The following UVRAG variants were observed in gnomAD, a reference collection of about 807,000 sequenced individuals.
UVRAG encodes the protein UV radiation resistance associated, also known as UV radiation resistance-associated gene protein.
In UVRAG, 19 loss-of-function variants were observed where a neutral mutation model predicts 78.0. The ratio of observed to expected loss-of-function variants is 0.24; its 90% CI spans 0.17 to 0.36. UVRAG has a LOEUF of 0.36. UVRAG is among the 10% of genes least tolerant of loss of function. The pLI, the probability that UVRAG is intolerant of heterozygous loss-of-function variation, is 1.00. For missense variants in UVRAG, 740 were observed against 853.8 expected (o/e 0.87, Z 1.66); for synonymous variants, 323 against 324.6 (o/e 1.00, Z 0.05).
At chr11:75,866,760 A>G (rs1946548427) in intron 3 of UVRAG, among the ~76,000 whole-genome samples, 1 of 152,214 alleles carries the variant, frequency 6.6e-6, no homozygotes, top group South Asian at 2.1e-4. Flanking sequence ...TTGACTTGGC[A>G]AACAAACAAA....
chr11:75,982,224 C>A (rs1437728083), intron 7 of UVRAG, among the ~76,000 whole-genome samples: 1 of 152,176 alleles, frequency 6.6e-6, no homozygotes, highest in East Asian at 1.9e-4. Context: ...GGTGCCATTT[C>A]ATTACTGCCA....
At chr11:75,950,064 G>T (rs1224073707) in intron 6 of UVRAG, among the ~76,000 whole-genome samples, 1 of 152,076 alleles carries the variant, frequency 6.6e-6, no homozygotes, top group East Asian at 1.9e-4. Context: ...ATTTATCCAT[G>T]TTCTTGTATA....
chr11:75,833,134 T>G (rs1351447970), intron 1 of UVRAG, among the ~76,000 whole-genome samples: 1 of 152,214 alleles, frequency 6.6e-6, no homozygotes. Context: ...AATTTCAAGC[T>G]TATGGAAAAA....
chr11:75,950,563 C>T (rs2135164501), intron 6 of UVRAG, among the ~76,000 whole-genome samples: 1 of 152,202 alleles, frequency 6.6e-6, no homozygotes, highest in Non-Finnish European at 1.5e-5. Flanking sequence ...CCACATTATA[C>T]CTGAGAGTGA....
intron 6 of UVRAG, among the ~76,000 whole-genome samples, chr11:75,929,229 G>A (rs2135098168): frequency 6.6e-6 from 1 of 152,306 alleles, no homozygotes; most frequent in African/African-American, 2.4e-5. Context: ...TAGGTGCAGA[G>A]TTTAGTGATC....
At chr11:76,024,075 A>G (rs1175424693) in intron 12 of UVRAG, among the ~76,000 whole-genome samples, 1 of 152,218 alleles carries the variant, frequency 6.6e-6, no homozygotes, top group Non-Finnish European at 1.5e-5. Context: ...GCCTTCTCCT[A>G]GTGCCGTAAT....
At chr11:76,129,923 ACTCTCTCTCGCTCTCT>A (rs1247254281) in intron 14 of UVRAG, among the ~76,000 whole-genome samples, 4 of 145,814 alleles carry the variant, frequency 2.7e-5, no homozygotes, top group Middle Eastern at 7.4e-3. Flanking sequence ...TCACTCTCAC[ACTCTCTCTCGCTCTCT>A]CTCTCTCTCG....
chr11:75,873,703 T>G (rs1217292194), intron 3 of UVRAG, among the ~76,000 whole-genome samples: 1 of 152,172 alleles, frequency 6.6e-6, no homozygotes, highest in Non-Finnish European at 1.5e-5. Context: ...TTTTGTCTCT[T>G]TCTATGTTGT....
intron 13 of UVRAG, among the ~76,000 whole-genome samples, chr11:76,084,919 C>T (rs1410939661): frequency 1.3e-5 from 2 of 151,818 alleles, no homozygotes; most frequent in Non-Finnish European, 2.9e-5. Flanking sequence ...CAAAAATTAG[C>T]CAGGCATGGT....
chr11:76,053,308 A>AACACACAC (rs377457433), intron 12 of UVRAG, among the ~76,000 whole-genome samples: 12 of 140,778 alleles, frequency 8.5e-5, no homozygotes, highest in South Asian at 2.3e-4. Context: ...TCTGTCTCAA[A>AACACACAC]ACACACACAC....
At chr11:75,999,249 A>AG (rs1279825761) in intron 8 of UVRAG, among the ~76,000 whole-genome samples, 2 of 32,650 alleles carry the variant, frequency 6.1e-5, no homozygotes, top group African/African-American at 1.5e-4. Flanking sequence ...AAAAAAAAAA[A>AG]AAGTCAACTT....
In UVRAG at chr11:76,141,687, T is replaced by G; in HGVS notation, c.*274T>G. On this transcript the variant is annotated 3_prime_UTR_variant, in exon 15 of 15. Coordinates refer to ENST00000356136, the MANE Select transcript of UVRAG (RefSeq NM_003369.4). ...AAGAGCTTACAGCTCGAGTCACCTT[T>G]TAGCTATTTGTCTGCTTTTTATTTA... 2 of 447,964 alleles carry G rather than the reference T, an allele frequency of 4.5e-6. No homozygotes were observed. The highest frequency in any genetic ancestry group is 6.0e-4 in the Middle Eastern group (1 of 1,658). The allele number at this position is 447,964 out of a possible 1,614,324, so 27.7% of individuals were successfully genotyped here.
intron 13 of UVRAG, among the ~76,000 whole-genome samples, chr11:76,106,746 G>C (rs1046809703): frequency 1.3e-5 from 2 of 152,088 alleles, no homozygotes; most frequent in African/African-American, 4.8e-5. Context: ...TGGGCCAAAG[G>C]TCAATACAGG....
At chr11:75,960,257 A>G (rs1471615374) in intron 6 of UVRAG, among the ~76,000 whole-genome samples, 1 of 151,960 alleles carries the variant, frequency 6.6e-6, no homozygotes, top group East Asian at 1.9e-4. Context: ...ATAAAGCAAA[A>G]TGCAGTAAAG....
chr11:75,929,069 A>G (rs1948175097), intron 6 of UVRAG, among the ~76,000 whole-genome samples: 1 of 152,066 alleles, frequency 6.6e-6, no homozygotes, highest in Non-Finnish European at 1.5e-5. Context: ...AGTGTTTTCC[A>G]ACATTTTAAA....
intron 8 of UVRAG, among the ~76,000 whole-genome samples, chr11:76,003,257 A>ATTTTTTTT (rs398045280): frequency 1.9e-4 from 10 of 53,786 alleles, no homozygotes; most frequent in African/African-American, 7.8e-4. Context: ...GAAAATACTG[A>ATTTTTTTT]TTTTTTTTTT....
intron 14 of UVRAG, among the ~76,000 whole-genome samples, chr11:76,135,051 C>T (rs2134507024): frequency 6.6e-6 from 1 of 152,300 alleles, no homozygotes; most frequent in African/African-American, 2.4e-5. Context: ...AGGTTGTGTG[C>T]TCCTTATGAG....
chr11:75,885,054 A>G (rs1397043208), intron 4 of UVRAG, among the ~76,000 whole-genome samples: 5 of 152,016 alleles, frequency 3.3e-5, no homozygotes, highest in Non-Finnish European at 7.4e-5. Context: ...CAGCATACAG[A>G]TCTTGCACAT....
At chr11:75,993,646 A>C (rs1318405443) in intron 8 of UVRAG, among the ~76,000 whole-genome samples, 1 of 152,182 alleles carries the variant, frequency 6.6e-6, no homozygotes, top group Non-Finnish European at 1.5e-5. Flanking sequence ...AGCTCAAAAA[A>C]TGGTATGAAA....
Sources: allele counts gnomAD v4.1 joint callset (sites outside exome capture counted in the v4.1 genomes callset), GRCh38; gene constraint gnomAD v4.1.1; transcripts MANE v1.5; gene names NCBI Gene and HGNC (gene_info 2026-07-23, HGNC 2026-07-21).